The following KRT35 variants were observed in gnomAD, a reference collection of about 807,000 sequenced individuals.
KRT35 encodes keratin, type I cuticular Ha5.
Under a neutral mutation model 42.2 loss-of-function variants are expected in KRT35, and 33 were observed. The observed-to-expected ratio is 0.78, with a 90% CI of 0.59 to 1.05. KRT35 has a LOEUF of 1.05. KRT35 is among the 50% of genes least tolerant of loss of function. KRT35 has a pLI of 0.00. For synonymous variants in KRT35, 218 were observed against 238.2 expected (o/e 0.92, Z 0.78); for missense variants, 585 against 589.2 (o/e 0.99, Z 0.07).
Position 41,477,721 on chromosome 17 carries a change from G to C in KRT35, c.1017C>G (p.Ser339=), listed in dbSNP as rs1228308363. ...AQHSMRDALE[S]TLAETEARYS... The stretch of plus-strand genomic sequence containing the variant: ...AGCGGGCCTCCGTCTCTGCCAGGGT[G>C]GATTCCAAAGCATCTCTCTGTGAGG... Residue 339 remains serine (S), a synonymous_variant, in exon 6 of 7, where the codon TCC becomes TCG. Transcript: ENST00000246639. The C allele has an allele frequency of 6.2e-7, 1 of 1,613,994 alleles. No individual in the cohort carries two copies.
At chr17:41,477,495 A>G in intron 6 of KRT35, 23 bp downstream of exon 6, 1 of 1,611,720 alleles carries the variant, frequency 6.2e-7, no homozygotes, top group South Asian at 1.1e-5. Flanking sequence ...TGAGAAGACA[A>G]GAGCACATGC....
In KRT35 at chr17:41,478,822, C is replaced by T; in HGVS notation, c.873+12G>A. ...CATACCCCTGTTGCACTGACTGTTT[C>T]CAGGTACCTACCTGGGTGTCCAACC... On this transcript the variant is annotated intron_variant, in intron 4 of 6. Transcript: ENST00000246639. 6.2e-7 allele frequency: 1 copy of T among 1,609,920 alleles called. No individual in the cohort carries two copies. The highest frequency in any genetic ancestry group is 1.1e-5 in the South Asian group (1 of 90,316).
chr17:41,476,799 T>C lies in KRT35; in HGVS notation c.*257A>G, dbSNP rs538867752. ...CGGAACAGCACCTAGAAGGAAAACC[T>C]GACCCAGGAGGCAGCCTGAGAACAG... On this transcript the variant is annotated 3_prime_UTR_variant, in exon 7 of 7. Transcript: ENST00000246639. The C allele has an allele frequency of 1.0e-5, 4 of 381,766 alleles. No individual in the cohort carries two copies. Among genetic ancestry groups the C allele is most frequent in the Non-Finnish European group, 1.9e-5 (4 of 214,732 alleles). The allele number at this position is 381,766 out of a possible 1,614,324, so 23.6% of individuals were successfully genotyped here. A position where few individuals can be genotyped will look rare whatever the true frequency, so the allele number is the denominator to read the frequency against.
Position 41,479,491 on chromosome 17 carries a change from C to T in KRT35, c.567G>A (p.Glu189=), listed in dbSNP as rs1306697130. 6 of 1,613,804 alleles carry T rather than the reference C, an allele frequency of 3.7e-6. No individual in the cohort carries two copies. The highest frequency in any genetic ancestry group is 2.7e-5 in the African/African-American group (2 of 74,914). ...ADDFRTKYET[E]VSLRQLVESD... ...ACTCCACCAGCTGCCGCAGGGACAC[C>T]TCCGTCTCATACCTGCAGGCATAGA... The change falls in exon 3 of 7, where the codon GAG becomes GAA. Residue 189 remains glutamate (E), a synonymous_variant. Transcript: ENST00000246639.
chr17:41,477,428 G>T, intron 6 of KRT35, 90 bp downstream of exon 6: 1 of 1,542,652 alleles, frequency 6.5e-7, no homozygotes, highest in Non-Finnish European at 8.8e-7. Context: ...TCCAGACTCC[G>T]AATGCCAGGC....
In KRT35 at chr17:41,479,760, TC is replaced by T; in HGVS notation, c.492del (p.Asn165MetfsTer46). The T allele has an allele frequency of 6.2e-7, 1 of 1,613,994 alleles. No individual in the cohort carries two copies. Among genetic ancestry groups the T allele is most frequent in the Non-Finnish European group, 8.5e-7 (1 of 1,179,824 alleles). ...LQKKTLCSKAENARLVVEIDN... is the reference protein window; with the variant it reads ...LQKKTLCSKAXNARLVVEIDN... Reference sequence around the variant, plus strand: ...TCAATCTCCACCACCAGCCTGGCATTCTCAGCCTTGCTGCATAGAGTCTGGA... The same window carrying T: ...TCAATCTCCACCACCAGCCTGGCATTTCAGCCTTGCTGCATAGAGTCTGGA... On this transcript the variant is annotated frameshift_variant, in exon 2 of 7. Coordinates refer to ENST00000246639, the MANE Select transcript of KRT35 (RefSeq NM_002280.6). LOFTEE classifies it high-confidence loss of function.
chr17:41,480,425 G>A lies in KRT35; in HGVS notation c.471+202C>T, dbSNP rs555578854. ...GGCTCCAGTAACTGCCATCTGGGTC[G>A]CTTACCCAGCCTGAATCTCAGTGTT... On this transcript the variant is annotated intron_variant, in intron 1 of 6. Transcript: ENST00000246639. 1.7e-4 allele frequency among the ~76,000 whole-genome samples: 17 copies of A among 97,248 alleles called. No homozygotes were observed. In the East Asian group the frequency reaches 2.2e-3, roughly 13 times the overall value. 63.8% of individuals were successfully genotyped at this position (97,248 alleles called of 152,430 possible).
At position 41,479,497 on chromosome 17, in the gene KRT35, C is replaced by G; in HGVS notation, c.561G>C (p.Glu187Asp). 1 of 1,613,762 alleles carries G rather than the reference C, an allele frequency of 6.2e-7. No individual in the cohort carries two copies. Among genetic ancestry groups the G allele is most frequent in the Non-Finnish European group, 8.5e-7 (1 of 1,179,748 alleles). The change falls in exon 3 of 7, where the codon GAG (glutamate) becomes GAC (aspartate). Residue 187 changes from glutamate (E) to aspartate (D), a missense_variant. By Grantham distance (45) the Glu-to-Asp change is conservative. Transcript: ENST00000246639. Reference sequence around the variant, plus strand: ...CCAGCTGCCGCAGGGACACCTCCGTCTCATACCTGCAGGCATAGAACAGGG... The same window carrying G: ...CCAGCTGCCGCAGGGACACCTCCGTGTCATACCTGCAGGCATAGAACAGGG... ...LAADDFRTKY[E>D]TEVSLRQLVE...
rs201907377 is a variant in KRT35 at position 41,477,127 on chromosome 17, C to G, written c.1297G>C (p.Gly433Arg). Residue 433 changes from glycine to arginine, a missense_variant, in exon 7 of 7, where the codon GGT becomes CGT. Physicochemically the swap from Gly to Arg is moderately radical, Grantham distance 125. Transcript: ENST00000246639. ...CAGTTTGTGCGGGCTGCACTAGGACCGCAGGAGGCCGCAGGAAGACAGGGA... is the reference window on the plus strand; with the variant it reads ...CAGTTTGTGCGGGCTGCACTAGGACGGCAGGAGGCCGCAGGAAGACAGGGA... ...CLPCLPAASC[G>R]PSAARTNCSP... The G allele has an allele frequency of 6.2e-7, 1 of 1,612,630 alleles. No individual in the cohort carries two copies. The highest frequency in any genetic ancestry group is 2.2e-5 in the East Asian group (1 of 44,864).
chr17:41,480,935 C>A lies in KRT35; in HGVS notation c.163G>T (p.Gly55Cys), dbSNP rs775003917. The change falls in exon 1 of 7, where the codon GGT (glycine) becomes TGT (cysteine). Residue 55 changes from glycine to cysteine, a missense_variant. By Grantham distance (159) the Gly-to-Cys change is radical (BLOSUM62 -3). Transcript: ENST00000246639. ...VARSFSACSV[G>C]LGRSSYRATS... Reference sequence around the variant, plus strand: ...GCCCTGTAGCTGCTTCTGCCCAGACCCACTGAGCAGGCAGAGAAACTTCTG... The same window carrying A: ...GCCCTGTAGCTGCTTCTGCCCAGACACACTGAGCAGGCAGAGAAACTTCTG... The A allele has an allele frequency of 2.1e-5, 34 of 1,614,160 alleles. No homozygotes were observed. The highest frequency in any genetic ancestry group is 2.0e-4 in the East Asian group (9 of 44,884).
rs200708723 is a variant in KRT35, at chr17:41,478,799, T to C, written c.873+35A>G. 7.6e-5 allele frequency: 120 copies of C among 1,587,838 alleles called. No individual in the cohort carries two copies. The African/African-American group carries it at 8.6e-4, about 11-fold the overall frequency. On this transcript the variant is annotated intron_variant, in intron 4 of 6. Coordinates refer to ENST00000246639, the MANE Select transcript of KRT35 (RefSeq NM_002280.6). ...GGTCACTTCCATGTGAGCCACCACA[T>C]ACCCCTGTTGCACTGACTGTTTCCA...
At chr17:41,479,655 C>T (rs1400511875) in intron 2 of KRT35, 44 bp downstream of exon 2, 6 of 1,589,734 alleles carry the variant, frequency 3.8e-6, no homozygotes, top group Non-Finnish European at 4.3e-6. Context: ...CACCTGTGTC[C>T]AGTTCTAGCA....
At chr17:41,480,531 T>G in intron 1 of KRT35, 96 bp downstream of exon 1, 1 of 930,230 alleles carries the variant, frequency 1.1e-6, no homozygotes, top group Non-Finnish European at 1.7e-6. Context: ...ATGAACATGC[T>G]TGGTGACTTC....
chr17:41,480,644 C>T lies in KRT35; in HGVS notation c.454G>A (p.Glu152Lys), dbSNP rs757674828. The change falls in exon 1 of 7, where the codon GAG (glutamate) becomes AAG (lysine). Residue 152 changes from glutamate (E) to lysine (K), a missense_variant. Transcript: ENST00000246639. Reference sequence around the variant, plus strand: ...CCTCTTACCTTCTTCTGGAGCTCCTCGATGGTCCGGAAGTAGGACTGGTAG... The same window carrying T: ...CCTCTTACCTTCTTCTGGAGCTCCTTGATGGTCCGGAAGTAGGACTGGTAG... ...PDYQSYFRTI[E>K]ELQKKTLCSK... is the part of the protein sequence containing the mutation. The T allele has an allele frequency of 9.9e-6, 16 of 1,613,458 alleles. No individual in the cohort carries two copies. The highest frequency in any genetic ancestry group is 6.7e-5 in the Admixed American group (4 of 60,024).
In KRT35 at chr17:41,479,278, C is replaced by T. The variant is rs552050309; in HGVS notation, c.711+69G>A. The T allele has an allele frequency of 1.2e-5, 18 of 1,534,244 alleles. No individual in the cohort carries two copies. The South Asian group carries it at 2.2e-4, about 18-fold the overall frequency. On this transcript the variant is annotated intron_variant, in intron 3 of 6. Coordinates refer to ENST00000246639, the MANE Select transcript of KRT35 (RefSeq NM_002280.6). The stretch of plus-strand genomic sequence containing the variant: ...CTCACCTCATCCCCAATGCTCACCT[C>T]CTCCCCATGTTCACCTCCTCCCCCA...
Position 41,480,944 on chromosome 17 carries a change from A to G in KRT35, c.154T>C (p.Cys52Arg). 2 of 1,614,156 alleles carry G rather than the reference A, an allele frequency of 1.2e-6. No individual in the cohort carries two copies. The highest frequency in any genetic ancestry group is 1.7e-6 in the Non-Finnish European group (2 of 1,180,026). ...CTGCTTCTGCCCAGACCCACTGAGC[A>G]GGCAGAGAAACTTCTGGCCACAGGG... ...LSPVARSFSA[C>R]SVGLGRSSYR... Residue 52 changes from cysteine (C) to arginine (R), a missense_variant, in exon 1 of 7, where the codon TGC becomes CGC. By Grantham distance (180) the Cys-to-Arg change is radical. Coordinates refer to ENST00000246639, the MANE Select transcript of KRT35 (RefSeq NM_002280.6).
In KRT35 at chr17:41,478,937, G is replaced by A. The variant is rs777838827; in HGVS notation, c.770C>T (p.Ala257Val). ...GDRLNVEVDA[A>V]PPVDLNRVLE... ...AACTCGGTTCAGGTCAACAGGTGGG[G>A]CAGCGTCCACCTCAACATTGAGGCG... Residue 257 changes from alanine (A) to valine (V), a missense_variant, in exon 4 of 7, where the codon GCC (alanine) becomes GTC (valine). By Grantham distance (64) the Ala-to-Val change is moderately conservative. Coordinates refer to ENST00000246639, the MANE Select transcript of KRT35 (RefSeq NM_002280.6). 2 of 1,613,976 alleles carry A rather than the reference G, an allele frequency of 1.2e-6. No individual in the cohort carries two copies. Among genetic ancestry groups the A allele is most frequent in the African/African-American group, 1.3e-5 (1 of 74,998 alleles).
chr17:41,479,953 T>C (rs189754785), intron 1 of KRT35, among the ~76,000 whole-genome samples, 172 bp from the exon 2 acceptor site: 1 of 152,168 alleles, frequency 6.6e-6, no homozygotes, highest in Admixed American at 6.5e-5. Context: ...CTATGGAAAG[T>C]CCAGGGTTTC....
chr17:41,477,833 C>A (rs1279447463), intron 5 of KRT35, 95 bp from the exon 6 acceptor site: 5 of 1,439,108 alleles, frequency 3.5e-6, no homozygotes, highest in African/African-American at 1.4e-5. Flanking sequence ...GGGCCTCCGT[C>A]TCTGCCAGGG....
Sources: gnomAD v4.1 joint callset for allele counts (sites outside exome capture counted in the v4.1 genomes callset) on GRCh38, gnomAD v4.1.1 for gene constraint, MANE v1.5 for transcripts, NCBI Gene and HGNC (gene_info 2026-07-23, HGNC 2026-07-21) for gene names.